Variants in ROBO2 observed in about 807,000 individuals in gnomAD.
The protein encoded by ROBO2 is roundabout homolog 2.
ROBO2 carries 53 observed loss-of-function variants against 160.8 expected under a neutral mutation model. That is an observed-to-expected ratio of 0.33 (90% CI 0.26 to 0.41). The LOEUF (loss-of-function observed/expected upper bound fraction) is 0.41. Ranked by LOEUF, ROBO2 falls within the 10% of genes least tolerant of loss-of-function variation. The pLI is 1.00. For synonymous variants in ROBO2, 664 were observed against 611.7 expected (o/e 1.09, Z -1.26); for missense variants, 1,577 against 1,722.4 (o/e 0.92, Z 1.49).
At chr3:76,997,730 T>G (rs1235858150) in intron 2 of ROBO2, among the ~76,000 whole-genome samples, 2 of 152,218 alleles carry the variant, frequency 1.3e-5, no homozygotes, top group African/African-American at 4.8e-5. Context: ...GCATATCACT[T>G]AGTTTTTGCT....
intron 2 of ROBO2, among the ~76,000 whole-genome samples, chr3:76,553,980 A>C (rs2083562526): frequency 6.6e-6 from 1 of 152,208 alleles, no homozygotes; most frequent in South Asian, 2.1e-4. Context: ...CAAAGCTTGA[A>C]ATATGCATAC....
chr3:75,980,155 C>T (rs616166), intron 2 of ROBO2, among the ~76,000 whole-genome samples: 116,562 of 151,316 alleles, frequency 0.77, 46,092 homozygotes, highest in East Asian at 0.97. Context: ...TTTGCCGTCA[C>T]GGACTTCAGA....
intron 2 of ROBO2, among the ~76,000 whole-genome samples, chr3:77,208,918 A>G (rs1194508908): frequency 6.6e-6 from 1 of 152,106 alleles, no homozygotes; most frequent in Non-Finnish European, 1.5e-5. Context: ...CAAAAGAACC[A>G]CTGGAGTGCT....
In ROBO2 at chr3:76,103,976, T is replaced by C. The variant is rs545395577; in HGVS notation, c.109+166374T>C. ...TTGATGGTTGGGCTTTTCTCATTTT[T>C]CCCCTTCCCTTGGTGCATGTTTCAC... On this transcript the variant is annotated intron_variant, in intron 2 of 26. Coordinates refer to the ROBO2 transcript ENST00000487694. 3.3e-5 allele frequency among the ~76,000 whole-genome samples: 5 copies of C among 152,268 alleles called. No individual in the cohort carries two copies. The South Asian group carries it at 1.0e-3, about 32-fold the overall frequency.
chr3:76,598,465 G>A (rs1311544350), intron 2 of ROBO2, among the ~76,000 whole-genome samples: 1 of 152,036 alleles, frequency 6.6e-6, no homozygotes, highest in Non-Finnish European at 1.5e-5. Flanking sequence ...AGGTAAAATG[G>A]GAAATCCTAA....
chr3:77,039,718 C>T (rs2063882011), upstream of ROBO2, among the ~76,000 whole-genome samples: 1 of 152,032 alleles, frequency 6.6e-6, no homozygotes, highest in Admixed American at 6.5e-5. Flanking sequence ...AGGTTCAGGG[C>T]TCCGCGCGCC....
intron 2 of ROBO2, among the ~76,000 whole-genome samples, chr3:76,539,478 A>AT (rs1333096815): frequency 3.3e-5 from 5 of 152,076 alleles, no homozygotes; most frequent in Non-Finnish European, 1.5e-5. Flanking sequence ...ATCTTCACAT[A>AT]TTTTTTCCCT....
intron 2 of ROBO2, among the ~76,000 whole-genome samples, chr3:77,324,287 C>G (rs770168141): frequency 1.4e-4 from 21 of 152,172 alleles, no homozygotes; most frequent in Non-Finnish European, 2.4e-4. Context: ...CTGTACAGCA[C>G]TGTGAGAATG....
chr3:76,782,370 G>C (rs192479878), intron 2 of ROBO2, among the ~76,000 whole-genome samples: 1 of 150,584 alleles, frequency 6.6e-6, no homozygotes, highest in Admixed American at 6.6e-5. Context: ...ACTGCTGTTT[G>C]ATAAAAAACT....
At chr3:76,639,473 C>T (rs1468837730) in intron 2 of ROBO2, among the ~76,000 whole-genome samples, 1 of 151,850 alleles carries the variant, frequency 6.6e-6, no homozygotes, top group Non-Finnish European at 1.5e-5. Context: ...CTCACACACA[C>T]ACACACACAC....
At chr3:76,089,929 A>G (rs2069163483) in intron 2 of ROBO2, among the ~76,000 whole-genome samples, 1 of 152,130 alleles carries the variant, frequency 6.6e-6, no homozygotes, top group Non-Finnish European at 1.5e-5. Context: ...AAAAAATCCA[A>G]AAGAATTCTC....
At chr3:75,933,844 G>A (rs1202615801) in intron 1 of ROBO2, among the ~76,000 whole-genome samples, 1 of 152,078 alleles carries the variant, frequency 6.6e-6, no homozygotes, top group African/African-American at 2.4e-5. Context: ...TGGAAACTTC[G>A]ATTTGCTCTT....
rs536581354 is a variant in ROBO2 at position 76,610,282 on chromosome 3, C to T, written c.110-487732C>T. 1.3e-3 allele frequency among the ~76,000 whole-genome samples: 192 copies of T among 152,266 alleles called. 3 individuals carry two copies. The highest frequency in any genetic ancestry group is 4.5e-3 in the African/African-American group (187 of 41,566). ...CAGAAAGCTCTGCAGCTGCTCCCAC[C>T]TCTGCCCAGGCCTCACTCGGGGCCC... On this transcript the variant is annotated intron_variant, in intron 2 of 26. Coordinates refer to the ROBO2 transcript ENST00000487694.
intron 2 of ROBO2, among the ~76,000 whole-genome samples, chr3:76,212,183 C>T (rs62267407): frequency 0.33 from 50,033 of 151,672 alleles, 9,142 homozygotes; most frequent in Non-Finnish European, 0.41. Context: ...TTCTTTAATT[C>T]TTTCATTTAA....
chr3:77,062,951 A>AT (rs145655988), intron 1 of ROBO2, among the ~76,000 whole-genome samples: 5 of 152,088 alleles, frequency 3.3e-5, no homozygotes, highest in African/African-American at 4.8e-5. Flanking sequence ...TCCCAGTTAC[A>AT]TTTTTTTTAA....
rs2072225667 is a variant in ROBO2, at chr3:76,151,957, C to G, written c.109+214355C>G. On this transcript the variant is annotated intron_variant, in intron 2 of 26. Coordinates refer to the ROBO2 transcript ENST00000487694. Reference sequence around the variant, plus strand: ...CCAATAAACATTATCAAACGTCTCACTAGACATAAAATACTATGCCAATAT... The same window carrying G: ...CCAATAAACATTATCAAACGTCTCAGTAGACATAAAATACTATGCCAATAT... Among the ~76,000 whole-genome samples, 2 of 152,200 alleles carry G rather than the reference C, an allele frequency of 1.3e-5. 1 individual carries two copies. Among genetic ancestry groups the G allele is most frequent in the South Asian group, 4.1e-4 (2 of 4,830 alleles).
At chr3:76,795,647 C>T (rs923705971) in intron 2 of ROBO2, among the ~76,000 whole-genome samples, 1 of 152,062 alleles carries the variant, frequency 6.6e-6, no homozygotes, top group Non-Finnish European at 1.5e-5. Context: ...CAATTACTTC[C>T]TCCACTTCAG....
chr3:75,995,213 TTCACAGCAGCCCTTCCCA>T (rs2065689771), intron 2 of ROBO2, among the ~76,000 whole-genome samples: 1 of 152,182 alleles, frequency 6.6e-6, no homozygotes. Flanking sequence ...GTCAGAGGTC[TTCACAGCAGCCCTTCCCA>T]TCACAGGCCT....
At chr3:76,927,649 A>G (rs893725503) in intron 2 of ROBO2, among the ~76,000 whole-genome samples, 1 of 152,222 alleles carries the variant, frequency 6.6e-6, no homozygotes, top group Non-Finnish European at 1.5e-5. Context: ...AGTATAGCTT[A>G]TATTTTTAAA....
Sources: allele counts gnomAD v4.1 joint callset (sites outside exome capture counted in the v4.1 genomes callset), GRCh38; gene constraint gnomAD v4.1.1; transcripts MANE v1.5; gene names NCBI Gene and HGNC (gene_info 2026-07-23, HGNC 2026-07-21).